Variants in PDE4D observed in about 807,000 individuals in gnomAD.
The protein encoded by PDE4D is phosphodiesterase 4D.
PDE4D carries 24 observed loss-of-function variants against 87.4 expected under a neutral mutation model. The observed-to-expected ratio is 0.27, with a 90% confidence interval of 0.20 to 0.39. The LOEUF is 0.39. Among genes scored for constraint, PDE4D ranks in the 10% least tolerant of loss-of-function variants. The pLI, the probability that PDE4D is intolerant of heterozygous loss-of-function variation, is 1.00. For missense variants in PDE4D, 714 were observed against 1,041.0 expected, an observed-to-expected ratio of 0.69 and a Z score of 4.32; for synonymous variants, 384 against 383.2, an observed-to-expected ratio of 1.00 and a Z score of -0.02.
intron 1 of PDE4D, among the ~76,000 whole-genome samples, chr5:59,764,625 A>G (rs941070416): frequency 3.4e-5 from 5 of 146,914 alleles, no homozygotes; most frequent in African/African-American, 1.3e-4. Context: ...AAATAACAGG[A>G]TGTTTACTTA....
chr5:59,362,547 G>A (rs1217713954), intron 1 of PDE4D, among the ~76,000 whole-genome samples: 3 of 152,098 alleles, frequency 2.0e-5, no homozygotes, highest in Non-Finnish European at 2.9e-5. Context: ...ACAAAAATTA[G>A]GTGATAGAAT....
intron 6 of PDE4D, among the ~76,000 whole-genome samples, chr5:59,011,086 G>A (rs184067655): frequency 2.2e-4 from 34 of 152,288 alleles, no homozygotes; most frequent in African/African-American, 8.2e-4. Context: ...GGTCCTGACT[G>A]TTAGAAGGAA....
At chr5:60,520,240 C>T (rs886817735) in intron 1 of PDE4D, among the ~76,000 whole-genome samples, 4 of 152,200 alleles carry the variant, frequency 2.6e-5, no homozygotes, top group Non-Finnish European at 5.9e-5. Context: ...CACCTCCTTT[C>T]TCTTCTACCT....
At chr5:59,433,499 T>A (rs930234163) in intron 1 of PDE4D, among the ~76,000 whole-genome samples, 1 of 152,022 alleles carries the variant, frequency 6.6e-6, no homozygotes, top group Non-Finnish European at 1.5e-5. Flanking sequence ...TCGTCAACAA[T>A]TCCCTTTCTC....
chr5:60,447,355 A>G (rs1583799981), intron 1 of PDE4D, among the ~76,000 whole-genome samples: 1 of 152,298 alleles, frequency 6.6e-6, no homozygotes, highest in Middle Eastern at 3.4e-3. Context: ...TACAGCCTAT[A>G]GTAGTTAAGC....
At chr5:59,457,935 A>G (rs139919643) in intron 1 of PDE4D, among the ~76,000 whole-genome samples, 1 of 152,236 alleles carries the variant, frequency 6.6e-6, no homozygotes, top group East Asian at 1.9e-4. Context: ...AAAAACAGAA[A>G]GACAAAATAA....
intron 1 of PDE4D, among the ~76,000 whole-genome samples, chr5:59,554,103 T>C (rs920754449): frequency 6.6e-6 from 1 of 152,108 alleles, no homozygotes; most frequent in African/African-American, 2.4e-5. Context: ...ATGGATGAGT[T>C]TGTAGGAACT....
At chr5:59,415,307 G>T (rs897495586) in intron 1 of PDE4D, among the ~76,000 whole-genome samples, 2 of 152,188 alleles carry the variant, frequency 1.3e-5, no homozygotes, top group South Asian at 4.1e-4. Flanking sequence ...AAGGAAAAAG[G>T]TGTGCTCAGG....
chr5:59,175,627 C>A (rs1561633171), intron 5 of PDE4D, among the ~76,000 whole-genome samples: 1 of 151,144 alleles, frequency 6.6e-6, no homozygotes, highest in Non-Finnish European at 1.5e-5. Context: ...ATTACAGGCA[C>A]CTGCCACCAC....
At chr5:60,363,446 G>A (rs1760255384) in intron 1 of PDE4D, among the ~76,000 whole-genome samples, 2 of 152,146 alleles carry the variant, frequency 1.3e-5, no homozygotes, top group East Asian at 1.9e-4. Context: ...CACTGAATGT[G>A]GGCAAATTGT....
chr5:60,040,462 T>C (rs964341331), intron 2 of PDE4D, among the ~76,000 whole-genome samples: 1 of 152,248 alleles, frequency 6.6e-6, no homozygotes, highest in Non-Finnish European at 1.5e-5. Context: ...TCCTAATTAA[T>C]GTTGTATATG....
At chr5:60,202,905 C>G (rs992261742) in intron 1 of PDE4D, among the ~76,000 whole-genome samples, 1 of 152,060 alleles carries the variant, frequency 6.6e-6, no homozygotes, top group African/African-American at 2.4e-5. Context: ...CCCCTTGAAT[C>G]AGTATGAAAA....
At chr5:60,310,067 A>G (rs1385973724) in intron 1 of PDE4D, among the ~76,000 whole-genome samples, 4 of 152,176 alleles carry the variant, frequency 2.6e-5, no homozygotes, top group Non-Finnish European at 4.4e-5. Flanking sequence ...CTCTTGGAGA[A>G]GTAGGAAAGA....
intron 5 of PDE4D, among the ~76,000 whole-genome samples, chr5:59,087,302 T>C (rs1245018976): frequency 6.6e-6 from 1 of 151,950 alleles, no homozygotes; most frequent in African/African-American, 2.4e-5. Context: ...CAAGAAAACA[T>C]AGGGAGACCT....
intron 1 of PDE4D, among the ~76,000 whole-genome samples, chr5:59,575,626 G>C (rs1823023262): frequency 6.6e-6 from 1 of 152,176 alleles, no homozygotes; most frequent in East Asian, 1.9e-4. Flanking sequence ...TATAGAAACA[G>C]TATCTATCCC....
intron 5 of PDE4D, among the ~76,000 whole-genome samples, chr5:59,158,647 T>C (rs1415504546): frequency 6.6e-6 from 1 of 152,176 alleles, no homozygotes; most frequent in Non-Finnish European, 1.5e-5. Flanking sequence ...GAGGCATGCA[T>C]TTTTTTATAA....
chr5:59,788,802 T>C (rs983400755), intron 1 of PDE4D, among the ~76,000 whole-genome samples: 2 of 152,258 alleles, frequency 1.3e-5, no homozygotes, highest in Non-Finnish European at 2.9e-5. Context: ...CCTTGTTGCA[T>C]TAGGCTAGAA....
intron 11 of PDE4D, among the ~76,000 whole-genome samples, chr5:58,979,897 A>G (rs1486805868): frequency 2.0e-5 from 3 of 152,186 alleles, no homozygotes; most frequent in Non-Finnish European, 4.4e-5. Flanking sequence ...CCTACAAAAT[A>G]TTAAAGGTTA....
chr5:59,097,705 T>G (rs1769995673), intron 5 of PDE4D, among the ~76,000 whole-genome samples: 1 of 152,212 alleles, frequency 6.6e-6, no homozygotes, highest in Non-Finnish European at 1.5e-5. Context: ...CCTGTTTGTT[T>G]CAAAGACAAG....
Sources: gnomAD v4.1 joint callset for allele counts (sites outside exome capture counted in the v4.1 genomes callset) on GRCh38, gnomAD v4.1.1 for gene constraint, MANE v1.5 for transcripts, NCBI Gene and HGNC (gene_info 2026-07-23, HGNC 2026-07-21) for gene names.